The following PTPN3 variants were observed in gnomAD, a reference collection of about 807,000 sequenced individuals.
The protein encoded by PTPN3 is protein tyrosine phosphatase non-receptor type 3.
A neutral mutation model predicts 132.7 loss-of-function variants in PTPN3; 96 were observed. That is an observed-to-expected ratio of 0.72 (90% confidence interval 0.61 to 0.86). The LOEUF (loss-of-function observed/expected upper bound fraction) is 0.86. Among genes scored for constraint, PTPN3 ranks in the 40% least tolerant of loss-of-function variants. The probability of loss-of-function intolerance (pLI) is 0.00; values close to 1 mark genes in which losing one functional copy is unlikely to be tolerated. For missense variants in PTPN3, 1,125 were observed against 1,159.6 expected (o/e 0.97, Z 0.43); for synonymous variants, 398 against 429.0 (o/e 0.93, Z 0.89).
At chr9:109,425,993 G>A (rs1165964793) in intron 12 of PTPN3, among the ~76,000 whole-genome samples, 1 of 138,356 alleles carries the variant, frequency 7.2e-6, no homozygotes, top group Non-Finnish European at 1.5e-5. Flanking sequence ...CAGGCTGGGT[G>A]ACAGAGTAAG....
At chr9:109,486,601 G>A (rs947315903) in intron 1 of PTPN3, among the ~76,000 whole-genome samples, 2 of 152,156 alleles carry the variant, frequency 1.3e-5, no homozygotes, top group African/African-American at 4.8e-5. Context: ...TAAGAAAGAA[G>A]GTGATGAGCT....
chr9:109,389,207 T>A, intron 22 of PTPN3, 26 bp downstream of exon 22: 1 of 1,612,922 alleles, frequency 6.2e-7, no homozygotes. Context: ...ACTGCACACA[T>A]CTGAATTAGA....
At chr9:109,400,716 G>A (rs1195402485) in intron 19 of PTPN3, among the ~76,000 whole-genome samples, 3 of 152,204 alleles carry the variant, frequency 2.0e-5, no homozygotes, top group Admixed American at 6.5e-5. Context: ...GTTCCCTCAT[G>A]CCTACAACTG....
At chr9:109,536,043 G>A in the PTPN3 span, among the ~76,000 whole-genome samples, 2 of 151,972 alleles carry the variant, frequency 1.3e-5, no homozygotes, top group African/African-American at 4.8e-5. Flanking sequence ...CTTAGCCCCT[G>A]GCAACCACCA....
chr9:109,471,046 T>G (rs952014274), intron 1 of PTPN3, among the ~76,000 whole-genome samples: 2 of 152,178 alleles, frequency 1.3e-5, no homozygotes, highest in Admixed American at 1.3e-4. Context: ...TGTTAACATT[T>G]TGGTACATAC....
chr9:109,408,146 G>C (rs906336353), intron 17 of PTPN3, among the ~76,000 whole-genome samples, 175 bp downstream of exon 17: 1 of 152,204 alleles, frequency 6.6e-6, no homozygotes, highest in Non-Finnish European at 1.5e-5. Flanking sequence ...GGTAACATGG[G>C]TGCTATGGCT....
At chr9:109,444,923 G>C (rs1030970000) in intron 7 of PTPN3, among the ~76,000 whole-genome samples, 1 of 152,240 alleles carries the variant, frequency 6.6e-6, no homozygotes, top group African/African-American at 2.4e-5. Context: ...ATGAAGATCA[G>C]ATCAAATGCC....
At chr9:109,463,558 C>G in intron 1 of PTPN3, 107 bp from the exon 2 acceptor site, 1 of 1,027,884 alleles carries the variant, frequency 9.7e-7, no homozygotes, top group Non-Finnish European at 1.4e-6. Context: ...CTGACGGACT[C>G]ACAGATAATG....
intron 7 of PTPN3, among the ~76,000 whole-genome samples, chr9:109,440,399 C>T (rs772825949): frequency 6.6e-6 from 1 of 152,184 alleles, no homozygotes; most frequent in Non-Finnish European, 1.5e-5. Flanking sequence ...TGCTAGAAAG[C>T]ATTAGAATCA....
the PTPN3 span, chr9:109,534,131 T>G: frequency 7.3e-5 from 58 of 798,724 alleles, no homozygotes; most frequent in Admixed American, 1.5e-4. Flanking sequence ...TTCCTTAAGT[T>G]GAACCATTTT....
chr9:109,537,017 C>T, the PTPN3 span, among the ~76,000 whole-genome samples: 1 of 151,814 alleles, frequency 6.6e-6, no homozygotes, highest in Non-Finnish European at 1.5e-5. Context: ...GGGTGCAGGG[C>T]AGGGCATGGA....
rs1838546809 is a variant in PTPN3, at chr9:109,376,202, A to G, written c.*3354T>C. On this transcript the variant is annotated 3_prime_UTR_variant, in exon 26 of 26. Coordinates refer to ENST00000374541, the MANE Select transcript of PTPN3 (RefSeq NM_002829.4). ...CCAGCCCAACCTTCCCTTTTTACAT[A>G]TAAGAAAACTCAGGGTTGAGGGCAA... 6.6e-6 allele frequency: 1 copy of G among 152,112 alleles called. No individual in the cohort carries two copies. The highest frequency in any genetic ancestry group is 1.5e-5 in the Non-Finnish European group (1 of 68,020). 9.4% of individuals were successfully genotyped at this position (152,112 alleles called of 1,614,324 possible). A position where few individuals can be genotyped will look rare whatever the true frequency, so the allele number is the denominator to read the frequency against.
intron 25 of PTPN3, 46 bp downstream of exon 25, chr9:109,381,605 AG>A: frequency 6.2e-7 from 1 of 1,605,474 alleles, no homozygotes; most frequent in Non-Finnish European, 8.5e-7. Context: ...GCCTGGTGTA[AG>A]TGCTCAGAAA....
intron 19 of PTPN3, among the ~76,000 whole-genome samples, chr9:109,402,393 C>T (rs1401272125): frequency 2.0e-5 from 3 of 152,020 alleles, no homozygotes; most frequent in Non-Finnish European, 2.9e-5. Context: ...ATTCCCCTGC[C>T]TCAGCCTCCC....
At chr9:109,462,360 T>C (rs1172809777) in intron 2 of PTPN3, among the ~76,000 whole-genome samples, 1 of 152,252 alleles carries the variant, frequency 6.6e-6, no homozygotes, top group East Asian at 1.9e-4. Flanking sequence ...GGATTGGCAG[T>C]GGGCAAACTT....
chr9:109,444,063 C>G (rs1410541483), intron 7 of PTPN3, among the ~76,000 whole-genome samples: 2 of 152,126 alleles, frequency 1.3e-5, no homozygotes, highest in Non-Finnish European at 2.9e-5. Context: ...GTTCTGAGAC[C>G]AGAGCAGGGT....
At chr9:109,503,416 C>T in the PTPN3 span, among the ~76,000 whole-genome samples, 3 of 152,118 alleles carry the variant, frequency 2.0e-5, no homozygotes, top group African/African-American at 7.2e-5. Flanking sequence ...TGAAAAATGT[C>T]TTTCTCGGCT....
At chr9:109,479,569 T>C (rs1846858060) in intron 1 of PTPN3, among the ~76,000 whole-genome samples, 1 of 152,234 alleles carries the variant, frequency 6.6e-6, no homozygotes, top group Non-Finnish European at 1.5e-5. Context: ...ATGGTAGTTC[T>C]ATCTATAGCT....
chr9:109,466,023 C>G (rs532415432), intron 1 of PTPN3, among the ~76,000 whole-genome samples: 1 of 152,254 alleles, frequency 6.6e-6, no homozygotes, highest in East Asian at 1.9e-4. Flanking sequence ...TAACCAGTCA[C>G]AGATTTGTGT....
Sources: allele counts gnomAD v4.1 joint callset (sites outside exome capture counted in the v4.1 genomes callset), GRCh38; gene constraint gnomAD v4.1.1; transcripts MANE v1.5; gene names NCBI Gene and HGNC (gene_info 2026-07-23, HGNC 2026-07-21).